SLC25A13: variants seen among roughly 807,000 people sequenced by gnomAD.
SLC25A13 encodes solute carrier family 25 member 13, also known as electrogenic aspartate/glutamate antiporter SLC25A13, mitochondrial.
SLC25A13 carries 70 observed loss-of-function variants against 85.5 expected under a neutral mutation model. The observed-to-expected ratio is 0.82, with a 90% CI of 0.68 to 1.00. SLC25A13 has a LOEUF of 1.00. Ranked by LOEUF, SLC25A13 falls within the 50% of genes least tolerant of loss-of-function variation. The pLI is 0.00. For missense variants in SLC25A13, 765 were observed against 819.8 expected (o/e 0.93, Z 0.82); for synonymous variants, 259 against 288.7 (o/e 0.90, Z 1.04).
At chr7:96,313,417 G>C (rs1178832556) in intron 1 of SLC25A13, among the ~76,000 whole-genome samples, 1 of 152,196 alleles carries the variant, frequency 6.6e-6, no homozygotes, top group Admixed American at 6.5e-5. Flanking sequence ...ATCCACCGTG[G>C]AATACCTTGC....
At chr7:96,276,327 A>G (rs1453772010) in intron 3 of SLC25A13, among the ~76,000 whole-genome samples, 2 of 152,206 alleles carry the variant, frequency 1.3e-5, no homozygotes, top group Admixed American at 1.3e-4. Flanking sequence ...CCATTTTTAA[A>G]ATGTAAGCAG....
At position 96,306,448 on chromosome 7, in the gene SLC25A13, C is replaced by T. The variant is rs142288074; in HGVS notation, c.16-9497G>A. On this transcript the variant is annotated intron_variant, in intron 1 of 17. Coordinates refer to ENST00000265631, the MANE Select transcript of SLC25A13 (RefSeq NM_014251.3). ...TCTTACTGGTGTAAGAATAGAGAGC[C>T]TTGGGCCTGTGTGGCCAGACTTCTG... Among the ~76,000 whole-genome samples the T allele has an allele frequency of 2.6e-3, 403 of 152,358 alleles. 3 individuals are homozygous for T. The highest frequency in any genetic ancestry group is 0.011 in the South Asian group (55 of 4,832).
chr7:96,321,976 C>T lies in SLC25A13; in HGVS notation c.-20G>A, dbSNP rs776029355. On this transcript the variant is annotated 5_prime_UTR_variant, in exon 1 of 18. Transcript: ENST00000265631. ...CGCCATGATTCGCCCCGGTTGCGGG[C>T]GACTGCGGGACCCACTGACTGGCTG... 3 of 1,538,836 alleles carry T rather than the reference C, an allele frequency of 1.9e-6. No individual in the cohort carries two copies. Among genetic ancestry groups the T allele is most frequent in the Admixed American group, 3.9e-5 (2 of 50,746 alleles).
chr7:96,173,023 G>T, intron 11 of SLC25A13, among the ~76,000 whole-genome samples: 1 of 152,204 alleles, frequency 6.6e-6, no homozygotes, highest in East Asian at 1.9e-4. Context: ...CTTCCAAAGT[G>T]TCGGGATTAC....
At chr7:96,294,096 A>T (rs1477929009) in intron 2 of SLC25A13, among the ~76,000 whole-genome samples, 1 of 152,236 alleles carries the variant, frequency 6.6e-6, no homozygotes, top group Non-Finnish European at 1.5e-5. Flanking sequence ...AATACTATGC[A>T]GCCATAAAAA....
At chr7:96,168,123 AAAAAAAGC>A (rs1793843126) in intron 13 of SLC25A13, among the ~76,000 whole-genome samples, 6 of 146,282 alleles carry the variant, frequency 4.1e-5, no homozygotes, top group Non-Finnish European at 7.5e-5. Context: ...AAAAAAAAAA[AAAAAAAGC>A]ACGTGTGCAC....
chr7:96,287,862 T>G (rs546958705), intron 2 of SLC25A13, among the ~76,000 whole-genome samples: 2 of 152,368 alleles, frequency 1.3e-5, no homozygotes, highest in African/African-American at 4.8e-5. Flanking sequence ...CAGCTTAAGC[T>G]AATGAGCTAC....
At chr7:96,230,871 G>C (rs530898349) in intron 4 of SLC25A13, among the ~76,000 whole-genome samples, 1 of 152,206 alleles carries the variant, frequency 6.6e-6, no homozygotes, top group African/African-American at 2.4e-5. Flanking sequence ...CACTTTGGGA[G>C]GCCAAGGTGG....
chr7:96,303,139 G>T (rs1413996420), intron 1 of SLC25A13, among the ~76,000 whole-genome samples: 1 of 151,954 alleles, frequency 6.6e-6, no homozygotes, highest in African/African-American at 2.4e-5. Context: ...TAGGACCCGA[G>T]GCCCAACCTC....
At chr7:96,185,704 C>T (rs1296222415) in intron 9 of SLC25A13, among the ~76,000 whole-genome samples, 1 of 151,988 alleles carries the variant, frequency 6.6e-6, no homozygotes, top group African/African-American at 2.4e-5. Context: ...TCCTGGCTAA[C>T]ATGGTGAAAC....
intron 4 of SLC25A13, among the ~76,000 whole-genome samples, chr7:96,224,775 T>C (rs1348630633): frequency 6.6e-6 from 1 of 152,210 alleles, no homozygotes; most frequent in Non-Finnish European, 1.5e-5. Context: ...TAAATCCTTC[T>C]AATGTCTGAT....
At chr7:96,171,153 T>G (rs1343207315) in intron 12 of SLC25A13, among the ~76,000 whole-genome samples, 1 of 152,208 alleles carries the variant, frequency 6.6e-6, no homozygotes, top group Non-Finnish European at 1.5e-5. Context: ...GGATCATGCT[T>G]TGCTTGAGAT....
At chr7:96,299,328 A>G (rs1459748506) in intron 1 of SLC25A13, among the ~76,000 whole-genome samples, 1 of 152,216 alleles carries the variant, frequency 6.6e-6, no homozygotes, top group East Asian at 1.9e-4. Flanking sequence ...GAGAACACAA[A>G]TCAAAACAAA....
At chr7:96,141,413 A>G (rs190040108) in intron 14 of SLC25A13, among the ~76,000 whole-genome samples, 2 of 152,352 alleles carry the variant, frequency 1.3e-5, no homozygotes, top group Admixed American at 1.3e-4. Context: ...AAAGGCTGGA[A>G]CAGTGCCTGG....
At chr7:96,173,271 C>T (rs1274872389) in intron 11 of SLC25A13, among the ~76,000 whole-genome samples, 3 of 152,198 alleles carry the variant, frequency 2.0e-5, no homozygotes, top group Non-Finnish European at 2.9e-5. Context: ...ACGTTTATTA[C>T]GTGCCAGGTA....
At chr7:96,222,243 T>C (rs1796157842) in intron 4 of SLC25A13, among the ~76,000 whole-genome samples, 1 of 152,114 alleles carries the variant, frequency 6.6e-6, no homozygotes, top group Non-Finnish European at 1.5e-5. Flanking sequence ...GTCACTGTAG[T>C]TTCCAATAAA....
intron 5 of SLC25A13, among the ~76,000 whole-genome samples, chr7:96,203,585 G>A (rs1337741660): frequency 6.6e-6 from 1 of 152,190 alleles, no homozygotes; most frequent in East Asian, 1.9e-4. Context: ...GCTAGAAAAT[G>A]CTATATGAGA....
chr7:96,229,043 CT>C (rs1796426776), intron 4 of SLC25A13, among the ~76,000 whole-genome samples: 4 of 152,232 alleles, frequency 2.6e-5, no homozygotes. Context: ...GTGCCGCCCC[CT>C]GCTCCGCAGC....
chr7:96,128,752 T>TATA (rs367558778), intron 15 of SLC25A13, among the ~76,000 whole-genome samples: 1,856 of 139,942 alleles, frequency 0.013, 12 homozygotes, highest in South Asian at 0.016. Context: ...GAACTTAAAG[T>TATA]ATAATAATAA....
Sources: gnomAD v4.1 joint callset for allele counts (sites outside exome capture counted in the v4.1 genomes callset) on GRCh38, gnomAD v4.1.1 for gene constraint, MANE v1.5 for transcripts, NCBI Gene and HGNC (gene_info 2026-07-23, HGNC 2026-07-21) for gene names.